Variants in CDH13 observed in about 807,000 individuals in gnomAD.
CDH13 encodes cadherin-13.
A neutral mutation model predicts 63.8 loss-of-function variants in CDH13; 24 were observed. The ratio of observed to expected loss-of-function variants is 0.38; its 90% CI spans 0.27 to 0.53. The LOEUF (loss-of-function observed/expected upper bound fraction) is 0.53, where lower values mean the gene tolerates loss of function less well. Ranked by LOEUF, CDH13 falls within the 20% of genes least tolerant of loss-of-function variation. The pLI, the probability that CDH13 is intolerant of heterozygous loss-of-function variation, is 0.85. For synonymous variants in CDH13, 503 were observed against 355.3 expected (o/e 1.42, Z -4.67); for missense variants, 1,049 against 903.1 (o/e 1.16, Z -2.07).
At chr16:82,969,429 T>A (rs1202789213) in intron 2 of CDH13, among the ~76,000 whole-genome samples, 4 of 151,644 alleles carry the variant, frequency 2.6e-5, no homozygotes, top group Non-Finnish European at 5.9e-5. Flanking sequence ...ATTAGCTGAA[T>A]ACCTGCCTTA....
At chr16:83,474,137 C>T (rs776306885) in intron 6 of CDH13, among the ~76,000 whole-genome samples, 2 of 152,062 alleles carry the variant, frequency 1.3e-5, no homozygotes. Context: ...GATCTAATTA[C>T]CCTGGCAGGG....
At chr16:83,447,244 A>G (rs1242865414) in intron 6 of CDH13, among the ~76,000 whole-genome samples, 2 of 151,016 alleles carry the variant, frequency 1.3e-5, no homozygotes, top group African/African-American at 2.4e-5. Context: ...GTGAAACCCC[A>G]TCTCTACTAA....
Position 82,644,767 on chromosome 16 carries a change from A to G in CDH13, c.45+17630A>G, listed in dbSNP as rs921903762. Among the ~76,000 whole-genome samples, 1 of 152,150 alleles carries G rather than the reference A, an allele frequency of 6.6e-6. No homozygotes were observed. Among genetic ancestry groups the G allele is most frequent in the Non-Finnish European group, 1.5e-5 (1 of 68,034 alleles). ...TCCCTCTGATTCTTAAAGCCTTTCC[A>G]GGTAGCAACAGGAGATCACGCAAAG... On this transcript the variant is annotated intron_variant, in intron 1 of 13. Transcript: ENST00000567109. This position sits in a 1 kb window ranked among gnomAD's most constrained non-coding sequence, Gnocchi z 5.7.
chr16:83,290,022 C>G (rs945284626), intron 5 of CDH13, among the ~76,000 whole-genome samples: 3 of 152,166 alleles, frequency 2.0e-5, no homozygotes, highest in African/African-American at 7.2e-5. Context: ...TGACACTTAA[C>G]TGTACAGATT....
chr16:82,771,922 G>A (rs929491293), intron 1 of CDH13, among the ~76,000 whole-genome samples: 15 of 152,222 alleles, frequency 9.9e-5, no homozygotes, highest in Non-Finnish European at 1.9e-4. Flanking sequence ...GGCAACTTGA[G>A]TATTTATAAC....
intron 7 of CDH13, among the ~76,000 whole-genome samples, chr16:83,522,120 T>G (rs1419199543): frequency 6.6e-6 from 1 of 152,214 alleles, no homozygotes; most frequent in Non-Finnish European, 1.5e-5. Flanking sequence ...TCCAGCTCTC[T>G]GCCCACCGGG....
At chr16:82,864,317 T>C (rs1040412068) in intron 2 of CDH13, among the ~76,000 whole-genome samples, 7 of 152,244 alleles carry the variant, frequency 4.6e-5, no homozygotes, top group African/African-American at 1.7e-4. Flanking sequence ...CATATGCATG[T>C]TAGGAGGTGT....
chr16:83,580,352 A>T (rs1905448117), intron 7 of CDH13, among the ~76,000 whole-genome samples: 1 of 152,136 alleles, frequency 6.6e-6, no homozygotes, highest in African/African-American at 2.4e-5. Context: ...GGTAGAATTG[A>T]TCAACTTAGT....
chr16:82,987,364 T>G (rs1396861591), intron 2 of CDH13, among the ~76,000 whole-genome samples: 1 of 151,974 alleles, frequency 6.6e-6, no homozygotes, highest in Non-Finnish European at 1.5e-5. Flanking sequence ...TGTTTTGTTT[T>G]GTTTGTTTGT....
chr16:83,179,164 T>G (rs1485310328), intron 4 of CDH13, among the ~76,000 whole-genome samples: 1 of 151,872 alleles, frequency 6.6e-6, no homozygotes, highest in East Asian at 1.9e-4. Context: ...TAGTAAGGAG[T>G]TCAGGGATTC....
intron 5 of CDH13, among the ~76,000 whole-genome samples, chr16:83,303,668 C>T (rs1322123607): frequency 6.6e-6 from 1 of 152,104 alleles, no homozygotes; most frequent in Non-Finnish European, 1.5e-5. Flanking sequence ...ACAGCCTTAT[C>T]CTGTGCTTTG....
intron 1 of CDH13, among the ~76,000 whole-genome samples, chr16:82,802,191 T>C (rs944322605): frequency 6.6e-6 from 1 of 152,294 alleles, no homozygotes; most frequent in Admixed American, 6.5e-5. Context: ...AGGCCAAGCA[T>C]GCTCCAGTGG....
chr16:82,634,813 G>A (rs1908452186), intron 1 of CDH13, among the ~76,000 whole-genome samples: 1 of 152,160 alleles, frequency 6.6e-6, no homozygotes, highest in Non-Finnish European at 1.5e-5. Flanking sequence ...TTCCTCCTAG[G>A]CCCCAAGCAC....
At chr16:83,406,233 G>T (rs758431088) in intron 6 of CDH13, among the ~76,000 whole-genome samples, 2 of 152,148 alleles carry the variant, frequency 1.3e-5, no homozygotes, top group South Asian at 4.1e-4. Context: ...AGCGCCCGGT[G>T]GTAACCAGCT....
At chr16:82,946,576 C>G (rs1026979989) in intron 2 of CDH13, among the ~76,000 whole-genome samples, 27 of 152,166 alleles carry the variant, frequency 1.8e-4, no homozygotes, top group African/African-American at 6.0e-4. Context: ...CAAAAATTAG[C>G]CTGGCGTGGT....
At chr16:82,653,012 A>C (rs1391431675) in intron 1 of CDH13, among the ~76,000 whole-genome samples, 1 of 152,228 alleles carries the variant, frequency 6.6e-6, no homozygotes, top group Non-Finnish European at 1.5e-5. Context: ...ACCAAAAGGT[A>C]GTCCGTGACC....
chr16:83,025,156 C>T (rs941251259), intron 2 of CDH13, among the ~76,000 whole-genome samples: 1 of 152,136 alleles, frequency 6.6e-6, no homozygotes, highest in Admixed American at 6.5e-5. Context: ...AAGCTCTGTC[C>T]TAAGTGCTTT....
chr16:83,359,956 T>C (rs2091131106), intron 6 of CDH13, among the ~76,000 whole-genome samples: 1 of 152,234 alleles, frequency 6.6e-6, no homozygotes, highest in African/African-American at 2.4e-5. Context: ...CTTATAGTCT[T>C]AGGACACCAC....
chr16:82,709,398 T>A (rs1388742408), intron 1 of CDH13, among the ~76,000 whole-genome samples: 1 of 152,182 alleles, frequency 6.6e-6, no homozygotes, highest in African/African-American at 2.4e-5. Flanking sequence ...GCAACAGATA[T>A]GAAGCAGTCT....
Sources: gnomAD v4.1 joint callset for allele counts (sites outside exome capture counted in the v4.1 genomes callset) on GRCh38, gnomAD v4.1.1 for gene constraint, Gnocchi (gnomAD v3.1) non-coding constraint, MANE v1.5 for transcripts, NCBI Gene and HGNC (gene_info 2026-07-23, HGNC 2026-07-21) for gene names.